Variants in SRGAP2 observed in about 807,000 individuals in gnomAD.
The protein encoded by SRGAP2 is SLIT-ROBO Rho GTPase activating protein 2.
Under a neutral mutation model 57.2 loss-of-function variants are expected in SRGAP2, and 15 were observed. The ratio of observed to expected loss-of-function variants is 0.26; its 90% CI spans 0.18 to 0.40. The LOEUF (loss-of-function observed/expected upper bound fraction) is 0.40, where lower values mean the gene tolerates loss of function less well. Among genes scored for constraint, SRGAP2 ranks in the 10% least tolerant of loss-of-function variants. The pLI is 1.00. For missense variants in SRGAP2, 520 were observed against 669.6 expected, an observed-to-expected ratio of 0.78 and a Z score of 2.47; for synonymous variants, 249 against 248.0, an observed-to-expected ratio of 1.00 and a Z score of -0.04.
At chr1:206,437,138 G>A (rs148908846) in intron 15 of SRGAP2, 96 bp downstream of exon 15, 2 of 756,488 alleles carry the variant, frequency 2.6e-6, no homozygotes, top group African/African-American at 1.7e-5. Flanking sequence ...CAGAGGTCAG[G>A]AAGCCAACTT....
chr1:206,374,133 T>C (rs1319278830), intron 4 of SRGAP2, among the ~76,000 whole-genome samples: 2 of 149,464 alleles, frequency 1.3e-5, no homozygotes, highest in East Asian at 4.0e-4. Flanking sequence ...CACGCCATTC[T>C]CCTGCCTCAG....
At chr1:206,449,690 C>T (rs1663100166) in intron 18 of SRGAP2, among the ~76,000 whole-genome samples, 1 of 152,096 alleles carries the variant, frequency 6.6e-6, no homozygotes, top group Non-Finnish European at 1.5e-5. Flanking sequence ...CAGATTATTC[C>T]TCCCCTACTT....
intron 2 of SRGAP2, among the ~76,000 whole-genome samples, chr1:206,279,129 A>G (rs1462356587): frequency 3.5e-5 from 3 of 84,760 alleles, no homozygotes; most frequent in African/African-American, 1.3e-4. Flanking sequence ...AGTTGATTAT[A>G]AGGGAGAATA....
In SRGAP2 at chr1:206,239,865, GAGA is replaced by G. The variant is rs1298494719; in HGVS notation, c.67+33832_67+33834del. ...AGTTACAATTTTTGACAGATATCTT[GAGA>G]AGATTATAGATTTTGATAGAGGCAG... On this transcript the variant is annotated intron_variant, in intron 2 of 22. Transcript: ENST00000573034. Among the ~76,000 whole-genome samples, 16 of 150,936 alleles carry G rather than the reference GAGA, an allele frequency of 1.1e-4. No individual in the cohort carries two copies. In the East Asian group the frequency reaches 3.1e-3, roughly 29 times the overall value.
intron 3 of SRGAP2, among the ~76,000 whole-genome samples, chr1:206,333,971 A>G (rs1450117293): frequency 3.3e-5 from 5 of 152,206 alleles, no homozygotes; most frequent in Non-Finnish European, 5.9e-5. Flanking sequence ...AAGTATCAAC[A>G]TGGTTAATAA....
intron 11 of SRGAP2, 26 bp from the exon 12 acceptor site, chr1:206,419,347 G>A (rs1660086616): frequency 1.3e-6 from 1 of 780,516 alleles, no homozygotes; most frequent in African/African-American, 1.7e-5. Flanking sequence ...TTAACATAAT[G>A]CTTTTTGCCT....
At chr1:206,352,807 T>C (rs1222448985) in intron 4 of SRGAP2, among the ~76,000 whole-genome samples, 1 of 151,474 alleles carries the variant, frequency 6.6e-6, no homozygotes, top group Non-Finnish European at 1.5e-5. Context: ...TAATATATCA[T>C]CTTTTTGTTT....
At chr1:206,453,432 A>G in intron 20 of SRGAP2, 52 bp downstream of exon 20, 1 of 534,352 alleles carries the variant, frequency 1.9e-6, no homozygotes, top group Non-Finnish European at 3.5e-6. Flanking sequence ...GCTCTATGGG[A>G]GTGAGACTTC....
intron 3 of SRGAP2, among the ~76,000 whole-genome samples, chr1:206,340,256 G>C (rs1290601177): frequency 7.4e-5 from 7 of 95,228 alleles, no homozygotes; most frequent in African/African-American, 5.1e-4. Context: ...GGTTGATTTT[G>C]CCTCCTCTGC....
chr1:206,423,568 A>C (rs1660506882), intron 13 of SRGAP2, among the ~76,000 whole-genome samples: 1 of 152,124 alleles, frequency 6.6e-6, no homozygotes, highest in Non-Finnish European at 1.5e-5. Flanking sequence ...CATTCTTCAC[A>C]GTCTCTGAGG....
chr1:206,440,414 A>C (rs1662172256), intron 17 of SRGAP2, among the ~76,000 whole-genome samples: 1 of 152,190 alleles, frequency 6.6e-6, no homozygotes, highest in South Asian at 2.1e-4. Context: ...TGAGGTGGAC[A>C]GCAGAGGCCT....
intron 2 of SRGAP2, among the ~76,000 whole-genome samples, chr1:206,247,357 A>T (rs1465401278): frequency 1.3e-5 from 2 of 150,078 alleles, no homozygotes; most frequent in East Asian, 4.1e-4. Context: ...AGGGCTCCTG[A>T]CAGTATCTGT....
chr1:206,430,106 C>T (rs2103287783), intron 13 of SRGAP2, 56 bp from the exon 14 acceptor site: 1 of 779,576 alleles, frequency 1.3e-6, no homozygotes, highest in Admixed American at 1.7e-5. Context: ...TTTTCTCTGA[C>T]CCTGGGCTAT....
chr1:206,410,807 C>T (rs1228263446), intron 10 of SRGAP2, among the ~76,000 whole-genome samples: 6 of 152,140 alleles, frequency 3.9e-5, no homozygotes, highest in East Asian at 1.9e-4. Flanking sequence ...CAGTGATGCT[C>T]GCTGTTTAGC....
intron 7 of SRGAP2, among the ~76,000 whole-genome samples, chr1:206,398,428 T>C (rs1394168019): frequency 4.0e-5 from 6 of 151,722 alleles, no homozygotes; most frequent in African/African-American, 1.2e-4. Flanking sequence ...CCCTCACTCA[T>C]TGGCACAAAG....
chr1:206,424,951 G>A (rs80004217), intron 13 of SRGAP2, among the ~76,000 whole-genome samples: 1,910 of 152,338 alleles, frequency 0.013, 25 homozygotes, highest in South Asian at 0.027. Context: ...CCTGCCACAG[G>A]TTATCCATTG....
intron 13 of SRGAP2, among the ~76,000 whole-genome samples, chr1:206,427,853 A>G (rs1660939637): frequency 6.6e-6 from 1 of 152,188 alleles, no homozygotes; most frequent in Non-Finnish European, 1.5e-5. Context: ...TCATACCTGT[A>G]ATCCCAGTGC....
At chr1:206,305,587 GGACTGTATAAGTTAGTTT>G in intron 3 of SRGAP2, among the ~76,000 whole-genome samples, 3 of 151,970 alleles carry the variant, frequency 2.0e-5, no homozygotes, top group Admixed American at 2.0e-4. Flanking sequence ...TTCTCTGAGT[GGACTGTATAAGTTAGTTT>G]GATCTTCTGG....
At position 206,317,740 on chromosome 1, in the gene SRGAP2, GA is replaced by G. The variant is rs1460201352; in HGVS notation, c.260+14276del. Among the ~76,000 whole-genome samples, 142 of 136,586 alleles carry G rather than the reference GA, an allele frequency of 1.0e-3. 2 individuals are homozygous for G. The highest frequency in any genetic ancestry group is 1.1e-3 in the Non-Finnish European group (75 of 65,914). 89.6% of individuals were successfully genotyped at this position (136,586 alleles called of 152,430 possible). A position where few individuals can be genotyped will look rare whatever the true frequency, so the allele number is the denominator to read the frequency against. On this transcript the variant is annotated intron_variant, in intron 3 of 22. Transcript: ENST00000573034. ...TGTTAACGAAAGATTTAGAGAGAAT[GA>G]AAAAAAAAGTAGGATTTGGGTTTTT...
Sources: gnomAD v4.1 joint callset for allele counts (sites outside exome capture counted in the v4.1 genomes callset) on GRCh38, gnomAD v4.1.1 for gene constraint, MANE v1.5 for transcripts, NCBI Gene and HGNC (gene_info 2026-07-23, HGNC 2026-07-21) for gene names.